The following FAM83B variants were observed in gnomAD, a reference collection of about 807,000 sequenced individuals.
FAM83B encodes the protein scaffolding CK1 anchoring protein B.
In FAM83B, 26 loss-of-function variants were observed where a neutral mutation model predicts 38.8. That is an observed-to-expected ratio of 0.67 (90% confidence interval 0.49 to 0.93). The LOEUF is 0.93. Ranked by LOEUF, FAM83B falls within the 40% of genes least tolerant of loss-of-function variation. FAM83B has a pLI of 0.00. For missense variants in FAM83B, 1,237 were observed against 1,197.3 expected (o/e 1.03, Z -0.49); for synonymous variants, 419 against 423.1 (o/e 0.99, Z 0.12).
intron 1 of FAM83B, among the ~76,000 whole-genome samples, chr6:54,863,392 A>G (rs888945117): frequency 1.3e-5 from 2 of 152,222 alleles, no homozygotes. Context: ...TAGTCCACAT[A>G]GAAACCCTTC....
rs1336782708 is a variant in FAM83B at position 54,944,980 on chromosome 6, C to CA, written c.*2974dup. 1.3e-5 allele frequency: 2 copies of CA among 152,126 alleles called. No homozygotes were observed. The highest frequency in any genetic ancestry group is 1.3e-4 in the Admixed American group (2 of 15,274). 9.4% of individuals were successfully genotyped at this position (152,126 alleles called of 1,614,324 possible). A position where few individuals can be genotyped will look rare whatever the true frequency, so the allele number is the denominator to read the frequency against. Reference sequence around the variant, plus strand: ...CTGGGCTCAAACGATCCTCCAGCCTCAGGTTCCTGAGTAGCTCAACATTTT... The same window carrying CA: ...CTGGGCTCAAACGATCCTCCAGCCTCAAGGTTCCTGAGTAGCTCAACATTTT... On this transcript the variant is annotated 3_prime_UTR_variant, in exon 5 of 5. Transcript: ENST00000306858.
chr6:54,938,942 A>G (rs1366500903), intron 4 of FAM83B, among the ~76,000 whole-genome samples: 1 of 152,142 alleles, frequency 6.6e-6, no homozygotes, highest in African/African-American at 2.4e-5. Flanking sequence ...GCATAAGCCA[A>G]TGTCTAGAAG....
At chr6:54,938,601 C>T (rs927717326) in intron 4 of FAM83B, among the ~76,000 whole-genome samples, 2 of 152,112 alleles carry the variant, frequency 1.3e-5, no homozygotes, top group Non-Finnish European at 1.5e-5. Context: ...GCTTAATTTG[C>T]ATTTCCCAGA....
At chr6:54,851,152 T>G (rs1468648194) in intron 1 of FAM83B, among the ~76,000 whole-genome samples, 1 of 152,188 alleles carries the variant, frequency 6.6e-6, no homozygotes, top group Non-Finnish European at 1.5e-5. Flanking sequence ...TGTGATTCTT[T>G]TTTTTAGTTT....
At chr6:54,910,877 G>GTT (rs5876413) in intron 2 of FAM83B, among the ~76,000 whole-genome samples, 84 of 151,548 alleles carry the variant, frequency 5.5e-4, no homozygotes, top group Middle Eastern at 6.8e-3. Context: ...TTGAAGAACT[G>GTT]TTTTTTTTCC....
At chr6:54,874,434 T>G (rs1270528126) in intron 2 of FAM83B, among the ~76,000 whole-genome samples, 2 of 152,138 alleles carry the variant, frequency 1.3e-5, no homozygotes, top group African/African-American at 4.8e-5. Context: ...ATTGACATAA[T>G]TACATTTAGG....
intron 2 of FAM83B, among the ~76,000 whole-genome samples, chr6:54,879,504 G>A (rs1173043243): frequency 6.6e-6 from 1 of 152,184 alleles, no homozygotes; most frequent in Non-Finnish European, 1.5e-5. Flanking sequence ...GGGTCACGTA[G>A]GAGGTCCCTT....
chr6:54,889,985 T>C (rs920030539), intron 2 of FAM83B, among the ~76,000 whole-genome samples: 1 of 152,096 alleles, frequency 6.6e-6, no homozygotes, highest in African/African-American at 2.4e-5. Context: ...TTTAACCATT[T>C]ATGTTAAACT....
At chr6:54,851,869 G>C (rs897889309) in intron 1 of FAM83B, among the ~76,000 whole-genome samples, 2 of 151,622 alleles carry the variant, frequency 1.3e-5, no homozygotes, top group Non-Finnish European at 2.9e-5. Context: ...GGATGGTCTC[G>C]ATCTCTTGAC....
intron 2 of FAM83B, among the ~76,000 whole-genome samples, chr6:54,878,790 T>C (rs1772058045): frequency 6.6e-6 from 1 of 152,172 alleles, no homozygotes; most frequent in Non-Finnish European, 1.5e-5. Flanking sequence ...TGCTATATTT[T>C]AACAGTATAC....
chr6:54,864,944 A>G (rs1398476186), intron 1 of FAM83B, among the ~76,000 whole-genome samples: 5 of 152,368 alleles, frequency 3.3e-5, no homozygotes, highest in African/African-American at 9.6e-5. Flanking sequence ...TCTTAATAAA[A>G]TTGCTTAACA....
At chr6:54,932,843 C>T (rs1773453389) in intron 4 of FAM83B, among the ~76,000 whole-genome samples, 1 of 152,084 alleles carries the variant, frequency 6.6e-6, no homozygotes, top group African/African-American at 2.4e-5. Context: ...AATGGAAGCT[C>T]CCTTGTATGT....
At position 54,939,810 on chromosome 6, in the gene FAM83B, C is replaced by G; in HGVS notation, c.839C>G (p.Ser280Cys). The G allele has an allele frequency of 1.9e-6, 3 of 1,613,972 alleles. No homozygotes were observed. The highest frequency in any genetic ancestry group is 2.2e-5 in the South Asian group (2 of 91,084). ...GAATTTAGAACTCTCTATGCCAGAT[C>G]CTGTGTCCCTAGTTCATTTGCTCAG... ...DEEFRTLYAR[S>C]CVPSSFAQEE... The change falls in exon 5 of 5, where the codon TCC (serine) becomes TGC (cysteine). Residue 280 changes from serine (S) to cysteine (C), a missense_variant. Physicochemically the swap from Ser to Cys is moderately radical, Grantham distance 112 (BLOSUM62 -1). Transcript: ENST00000306858.
chr6:54,939,537 A>G (rs1773604683), intron 4 of FAM83B, among the ~76,000 whole-genome samples, 169 bp from the exon 5 acceptor site: 1 of 152,194 alleles, frequency 6.6e-6, no homozygotes, highest in South Asian at 2.1e-4. Flanking sequence ...TAAAATAGGA[A>G]CATGAGGATG....
At chr6:54,865,929 T>C (rs920847300) in intron 1 of FAM83B, among the ~76,000 whole-genome samples, 1 of 150,960 alleles carries the variant, frequency 6.6e-6, no homozygotes, top group Non-Finnish European at 1.5e-5. Flanking sequence ...ATATTTATAG[T>C]AATTATACTA....
chr6:54,888,997 G>A (rs1352258556), intron 2 of FAM83B, among the ~76,000 whole-genome samples: 1 of 151,796 alleles, frequency 6.6e-6, no homozygotes, highest in Non-Finnish European at 1.5e-5. Context: ...TTTCTACATA[G>A]ATATCTTTCA....
Position 54,943,885 on chromosome 6 carries a change from T to G in FAM83B, c.*1878T>G, listed in dbSNP as rs1475747396. 1 of 152,202 alleles carries G rather than the reference T, an allele frequency of 6.6e-6. No individual in the cohort carries two copies. Among genetic ancestry groups the G allele is most frequent in the Admixed American group, 6.5e-5 (1 of 15,284 alleles). The allele number at this position is 152,202 out of a possible 1,614,324, so 9.4% of individuals were successfully genotyped here. A position where few individuals can be genotyped will look rare whatever the true frequency, so the allele number is the denominator to read the frequency against. ...CAACCAAAAGCCTGTTGCCTTTTTG[T>G]ACAGAAATCTCCTTAATTTCAGGAC... On this transcript the variant is annotated 3_prime_UTR_variant, in exon 5 of 5. Transcript: ENST00000306858.
intron 2 of FAM83B, among the ~76,000 whole-genome samples, chr6:54,889,104 A>G (rs1385794719): frequency 6.6e-6 from 1 of 152,048 alleles, no homozygotes; most frequent in East Asian, 1.9e-4. Flanking sequence ...TATAATTCTC[A>G]TTAGTCTATG....
Position 54,885,114 on chromosome 6 carries a change from T to C in FAM83B, c.444+14424T>C, listed in dbSNP as rs1772243747. Among the ~76,000 whole-genome samples the C allele has an allele frequency of 2.6e-5, 4 of 152,134 alleles. No individual in the cohort carries two copies. In the South Asian group the frequency reaches 8.3e-4, roughly 32 times the overall value. On this transcript the variant is annotated intron_variant, in intron 2 of 4. Coordinates refer to ENST00000306858, the MANE Select transcript of FAM83B (RefSeq NM_001010872.3). The stretch of plus-strand genomic sequence containing the variant: ...TCAGTATTGCCTTGGCTACTCTAAA[T>C]CTTTTGCTTTTCTGTAGGAATTTTA...
Sources: gnomAD v4.1 joint callset for allele counts (sites outside exome capture counted in the v4.1 genomes callset) on GRCh38, gnomAD v4.1.1 for gene constraint, MANE v1.5 for transcripts, NCBI Gene and HGNC (gene_info 2026-07-23, HGNC 2026-07-21) for gene names.